The following CAST variants were observed in gnomAD, a reference collection of about 807,000 sequenced individuals.
CAST encodes the protein calpastatin, also known as MIR583 host.
In CAST, 76 loss-of-function variants were observed where a neutral mutation model predicts 119.6. The observed-to-expected ratio is 0.64, with a 90% CI of 0.53 to 0.77. The LOEUF (loss-of-function observed/expected upper bound fraction) is 0.77, where lower values mean the gene tolerates loss of function less well. Ranked by LOEUF, CAST falls within the 30% of genes least tolerant of loss-of-function variation. CAST has a pLI of 0.00. For synonymous variants in CAST, 319 were observed against 331.6 expected (o/e 0.96, Z 0.41); for missense variants, 953 against 946.5 (o/e 1.01, Z -0.09).
chr5:96,216,007 C>T, the CAST span, among the ~76,000 whole-genome samples: 2 of 151,974 alleles, frequency 1.3e-5, no homozygotes, highest in African/African-American at 4.8e-5. Flanking sequence ...GGGTTTTTTC[C>T]ATGTTGGCCA....
At chr5:96,238,323 T>TTCTTCTTCTTCC in the CAST span, among the ~76,000 whole-genome samples, 1 of 40,754 alleles carries the variant, frequency 2.5e-5, no homozygotes, top group Admixed American at 3.6e-4. Context: ...CTTCTTCTTC[T>TTCTTCTTCTTCC]TCTTCTTCTT....
chr5:96,084,558 G>GCACCAC, the CAST span, among the ~76,000 whole-genome samples: 1 of 152,154 alleles, frequency 6.6e-6, no homozygotes, highest in African/African-American at 2.4e-5. Context: ...TTGGTCGCAG[G>GCACCAC]CACCAGAATC....
In CAST at chr5:96,647,525, A is replaced by C. The variant is rs555816895; in HGVS notation, c.61-28014A>C. ...TTATGAGTTGAAATGTGTCCCCCCA[A>C]AATGAATATGTTGAAGTCCTAACCC... On this transcript the variant is annotated intron_variant, in intron 1 of 11. Coordinates refer to the CAST transcript ENST00000505143. Among the ~76,000 whole-genome samples, 9 of 152,256 alleles carry C rather than the reference A, an allele frequency of 5.9e-5. No individual in the cohort carries two copies. In the South Asian group the frequency reaches 1.9e-3, roughly 32 times the overall value.
the CAST span, among the ~76,000 whole-genome samples, chr5:96,327,047 G>A: frequency 2.0e-5 from 3 of 152,292 alleles, no homozygotes; most frequent in Middle Eastern, 6.8e-3. Context: ...CATATCATGG[G>A]CAAGGGGATG....
the CAST span, chr5:96,433,350 T>A: frequency 7.0e-6 from 3 of 429,678 alleles, no homozygotes; most frequent in African/African-American, 6.0e-5. Flanking sequence ...AAGATCCGAA[T>A]GGTATTCCCG....
the CAST span, among the ~76,000 whole-genome samples, chr5:96,361,328 A>G: frequency 1.3e-5 from 2 of 152,042 alleles, no homozygotes; most frequent in East Asian, 1.9e-4. Flanking sequence ...CCCCCTTTCC[A>G]GGGGAGTGAA....
intron 1 of CAST, among the ~76,000 whole-genome samples, chr5:96,620,159 A>G (rs1296779276): frequency 3.9e-5 from 6 of 152,178 alleles, no homozygotes; most frequent in African/African-American, 1.2e-4. Context: ...AATTCCTGCA[A>G]TTCTCTCCTC....
intron 1 of CAST, among the ~76,000 whole-genome samples, chr5:96,615,601 G>T (rs1440578677): frequency 1.3e-5 from 2 of 152,204 alleles, no homozygotes; most frequent in African/African-American, 4.8e-5. Context: ...CCAGGCCCCA[G>T]GGAAGGAGGC....
chr5:96,200,457 A>G, the CAST span, among the ~76,000 whole-genome samples: 5 of 152,138 alleles, frequency 3.3e-5, no homozygotes, highest in Non-Finnish European at 7.4e-5. Flanking sequence ...TCTAGATGCT[A>G]TATCTGCCAA....
At chr5:95,988,122 A>G in the CAST span, among the ~76,000 whole-genome samples, 1 of 152,342 alleles carries the variant, frequency 6.6e-6, no homozygotes, top group African/African-American at 2.4e-5. Flanking sequence ...AGTAAAGGAA[A>G]TCCAGGAATC....
At chr5:96,167,630 G>C in the CAST span, among the ~76,000 whole-genome samples, 9 of 152,144 alleles carry the variant, frequency 5.9e-5, no homozygotes, top group South Asian at 1.2e-3. Context: ...AACTGCTTGG[G>C]TGATTTGACT....
chr5:96,355,943 G>T, the CAST span, among the ~76,000 whole-genome samples: 2 of 152,052 alleles, frequency 1.3e-5, no homozygotes, highest in African/African-American at 2.4e-5. Flanking sequence ...CTCATGATCT[G>T]CCCAGCTTGG....
At chr5:96,771,547 C>A in intron 30 of CAST, 97 bp from the exon 31 acceptor site, 1 of 815,324 alleles carries the variant, frequency 1.2e-6, no homozygotes, top group Non-Finnish European at 2.0e-6. Flanking sequence ...TTTTTCCCCA[C>A]TGACTGCCAT....
At chr5:96,502,478 A>G in the CAST span, among the ~76,000 whole-genome samples, 1 of 151,912 alleles carries the variant, frequency 6.6e-6, no homozygotes, top group South Asian at 2.1e-4. Flanking sequence ...TTAAAATTAA[A>G]GATTAAAGAA....
chr5:96,267,919 T>A, the CAST span, among the ~76,000 whole-genome samples: 2 of 152,146 alleles, frequency 1.3e-5, no homozygotes, highest in Non-Finnish European at 2.9e-5. Flanking sequence ...AAAGTCAAAA[T>A]GTAGGAGGTA....
chr5:96,347,852 C>T, the CAST span, among the ~76,000 whole-genome samples: 1 of 152,132 alleles, frequency 6.6e-6, no homozygotes, highest in African/African-American at 2.4e-5. Context: ...CAGCCACTAA[C>T]CGTGTCTACT....
At chr5:96,168,273 T>G in the CAST span, among the ~76,000 whole-genome samples, 12,034 of 152,226 alleles carry the variant, frequency 0.079, 1,581 homozygotes, top group African/African-American at 0.27. Context: ...CAATGGGATC[T>G]GATGCCTTTT....
the CAST span, among the ~76,000 whole-genome samples, chr5:96,115,008 A>T: frequency 1.3e-5 from 2 of 152,240 alleles, no homozygotes; most frequent in African/African-American, 4.8e-5. Flanking sequence ...TCATGGGGTT[A>T]TCGCAACAAT....
the CAST span, among the ~76,000 whole-genome samples, chr5:96,351,341 C>G: frequency 6.6e-6 from 1 of 152,064 alleles, no homozygotes; most frequent in East Asian, 1.9e-4. Flanking sequence ...CGGTGGCATG[C>G]GTGTCCTTTT....
Sources: allele counts gnomAD v4.1 joint callset (sites outside exome capture counted in the v4.1 genomes callset), GRCh38; gene constraint gnomAD v4.1.1; transcripts MANE v1.5; gene names NCBI Gene and HGNC (gene_info 2026-07-23, HGNC 2026-07-21).